Variants in A4GALT observed in about 807,000 individuals in gnomAD.
A4GALT encodes lactosylceramide 4-alpha-galactosyltransferase.
For missense variants in A4GALT, 512 were observed against 486.0 expected, an observed-to-expected ratio of 1.05 and a Z score of -0.50; for synonymous variants, 257 against 220.7, an observed-to-expected ratio of 1.16 and a Z score of -1.46.
Position 42,693,496 on chromosome 22 carries a change from G to A in A4GALT, c.456C>T (p.Asp152=), listed in dbSNP as rs1395276793. ...CCGCGTACCAGTCGGCCAGGGGTGT[G>A]TCCCGGAACAGCTCCCGCAGGTCCA... ...LPLDLRELFR[D]TPLADWYAAV... is the part of the protein sequence containing the mutation. Residue 152 remains aspartate (D), a synonymous_variant, in exon 3 of 3, where the codon GAC becomes GAT. Coordinates refer to ENST00000642412, the MANE Select transcript of A4GALT (RefSeq NM_017436.7). The A allele has an allele frequency of 1.2e-6, 2 of 1,613,186 alleles. No homozygotes were observed. The highest frequency in any genetic ancestry group is 8.5e-7 in the Non-Finnish European group (1 of 1,179,980).
chr22:42,709,145 T>C (rs1921450941), intron 1 of A4GALT, among the ~76,000 whole-genome samples: 1 of 150,578 alleles, frequency 6.6e-6, no homozygotes, highest in African/African-American at 2.4e-5. Context: ...AGCCTCTACT[T>C]TCCAGGCTCA....
rs1226226457 is a variant in A4GALT at position 42,705,532 on chromosome 22, G to C, written c.-187-9901C>G. ...GCAGGAGAATCATTTGAACCCAGGA[G>C]GTAGAGGCTGTGGTGAGCTGAGATC... On this transcript the variant is annotated intron_variant, in intron 1 of 2. Transcript: ENST00000642412. 1.7e-5 allele frequency among the ~76,000 whole-genome samples: 2 copies of C among 120,654 alleles called. 1 individual carries two copies. Among genetic ancestry groups the C allele is most frequent in the Non-Finnish European group, 3.9e-5 (2 of 51,870 alleles). 79.2% of individuals were successfully genotyped at this position (120,654 alleles called of 152,430 possible).
intron 1 of A4GALT, among the ~76,000 whole-genome samples, chr22:42,709,810 A>C (rs900125755): frequency 5.3e-5 from 8 of 152,128 alleles, no homozygotes; most frequent in African/African-American, 1.9e-4. Context: ...AAAAATAAAA[A>C]AATGGGGGTG....
intron 1 of A4GALT, among the ~76,000 whole-genome samples, chr22:42,703,349 G>A (rs12167293): frequency 0.031 from 4,593 of 147,146 alleles, 225 homozygotes; most frequent in African/African-American, 0.11. Flanking sequence ...TCTGCCACCC[G>A]GGTTCAAGTG....
At chr22:42,696,121 C>CAAGAAAAAA (rs1930909969) in intron 1 of A4GALT, among the ~76,000 whole-genome samples, 1 of 53,910 alleles carries the variant, frequency 1.9e-5, no homozygotes, top group Non-Finnish European at 3.1e-5. Context: ...GACTCTATCT[C>CAAGAAAAAA]AAAAAAAAAA....
intron 1 of A4GALT, among the ~76,000 whole-genome samples, chr22:42,696,894 T>C (rs189057990): frequency 1.8e-3 from 268 of 151,340 alleles, no homozygotes; most frequent in African/African-American, 6.0e-3. Context: ...TGGAGGGTTC[T>C]TCTCTCAGAT....
At chr22:42,716,809 C>T (rs1922221632) in intron 1 of A4GALT, among the ~76,000 whole-genome samples, 1 of 152,138 alleles carries the variant, frequency 6.6e-6, no homozygotes, top group South Asian at 2.1e-4. Flanking sequence ...AGGCCTACCC[C>T]CACCTGAAGG....
At chr22:42,712,675 G>A (rs968747702) in intron 1 of A4GALT, among the ~76,000 whole-genome samples, 5 of 152,206 alleles carry the variant, frequency 3.3e-5, no homozygotes, top group East Asian at 1.9e-4. Context: ...TTGAGAGGCC[G>A]AGGTGAGTGG....
intron 1 of A4GALT, among the ~76,000 whole-genome samples, chr22:42,712,877 GAC>G: frequency 6.6e-6 from 1 of 152,096 alleles, no homozygotes; most frequent in Admixed American, 6.6e-5. Flanking sequence ...CAGCCTGGGC[GAC>G]AGAGTGTGAC....
chr22:42,702,227 G>A (rs1036062037), intron 1 of A4GALT, among the ~76,000 whole-genome samples: 2 of 152,132 alleles, frequency 1.3e-5, no homozygotes, highest in African/African-American at 4.8e-5. Context: ...GCAGGAGACA[G>A]AGAGGGCCAG....
At chr22:42,709,303 C>G (rs1016292293) in intron 1 of A4GALT, among the ~76,000 whole-genome samples, 4 of 139,764 alleles carry the variant, frequency 2.9e-5, no homozygotes, top group Non-Finnish European at 4.6e-5. Context: ...CCTTGGCCTC[C>G]CAAAATGCTG....
rs542985418 is a variant in A4GALT, at chr22:42,715,965, T to A, written c.-188+4832A>T. ...CTTCTGCCTCAGCCTCCTGAGTAGG[T>A]GGGATTACAGGAATGCACCAGCACA... On this transcript the variant is annotated intron_variant, in intron 1 of 2. Coordinates refer to ENST00000642412, the MANE Select transcript of A4GALT (RefSeq NM_017436.7). Among the ~76,000 whole-genome samples the A allele has an allele frequency of 2.0e-5, 3 of 151,936 alleles. No individual in the cohort carries two copies. The East Asian group carries it at 5.8e-4, about 30-fold the overall frequency.
chr22:42,708,822 C>A (rs1921400900), intron 1 of A4GALT, among the ~76,000 whole-genome samples: 1 of 151,758 alleles, frequency 6.6e-6, no homozygotes, highest in African/African-American at 2.4e-5. Context: ...AAATTTAAAA[C>A]CTGAATAAAA....
intron 2 of A4GALT, 134 bp from the exon 3 acceptor site, chr22:42,694,131 A>G: frequency 3.2e-6 from 2 of 632,644 alleles, no homozygotes; most frequent in South Asian, 1.9e-5. Context: ...ACAGGGGCCA[A>G]GGCTTGAACC....
intron 1 of A4GALT, among the ~76,000 whole-genome samples, chr22:42,715,927 C>T (rs948895415): frequency 6.6e-6 from 1 of 151,492 alleles, no homozygotes; most frequent in African/African-American, 2.4e-5. Context: ...CCGCCTCCTG[C>T]GTTCAAGCGA....
intron 1 of A4GALT, among the ~76,000 whole-genome samples, chr22:42,714,774 GAA>G (rs1664028004): frequency 6.6e-6 from 1 of 152,020 alleles, no homozygotes; most frequent in African/African-American, 2.4e-5. Flanking sequence ...AAGAGAAAAA[GAA>G]AAGAAATAAA....
At chr22:42,719,378 G>A (rs1214049997) in intron 1 of A4GALT, among the ~76,000 whole-genome samples, 3 of 152,152 alleles carry the variant, frequency 2.0e-5, no homozygotes, top group African/African-American at 7.2e-5. Flanking sequence ...TGGGAGGATC[G>A]CTTGAGCCTA....
chr22:42,718,545 G>A (rs8138197), intron 1 of A4GALT: 64,487 of 152,128 alleles, frequency 0.42, 15,436 homozygotes, highest in East Asian at 0.83. Context: ...GATTACAGGC[G>A]TGAGCCACCT....
At chr22:42,712,544 T>G (rs1921784693) in intron 1 of A4GALT, among the ~76,000 whole-genome samples, 1 of 152,248 alleles carries the variant, frequency 6.6e-6, no homozygotes, top group Non-Finnish European at 1.5e-5. Flanking sequence ...AGTCCTGAGT[T>G]CGTTCTATTT....
Sources: gnomAD v4.1 joint callset for allele counts (sites outside exome capture counted in the v4.1 genomes callset) on GRCh38, gnomAD v4.1.1 for gene constraint, MANE v1.5 for transcripts, NCBI Gene and HGNC (gene_info 2026-07-23, HGNC 2026-07-21) for gene names.